Variants in KIAA0232 observed in about 807,000 individuals in gnomAD.
KIAA0232 encodes uncharacterized protein KIAA0232.
KIAA0232 carries 27 observed loss-of-function variants against 122.0 expected under a neutral mutation model. That is an observed-to-expected ratio of 0.22 (90% CI 0.16 to 0.31). The LOEUF (loss-of-function observed/expected upper bound fraction) is 0.31. KIAA0232 is among the 10% of genes least tolerant of loss of function. The probability of loss-of-function intolerance (pLI) is 1.00; values close to 1 mark genes in which losing one functional copy is unlikely to be tolerated. For missense variants in KIAA0232, 1,551 were observed against 1,634.2 expected (o/e 0.95, Z 0.88); for synonymous variants, 613 against 587.6 (o/e 1.04, Z -0.63).
At chr4:6,876,480 T>G (rs1721763781) in intron 8 of KIAA0232, among the ~76,000 whole-genome samples, 180 bp from the exon 9 acceptor site, 1 of 152,196 alleles carries the variant, frequency 6.6e-6, no homozygotes, top group East Asian at 1.9e-4. Context: ...AGCGTTTTTT[T>G]TCTCTTACAC....
intron 4 of KIAA0232, among the ~76,000 whole-genome samples, chr4:6,851,237 A>T (rs915440305): frequency 6.6e-6 from 1 of 152,204 alleles, no homozygotes. Flanking sequence ...AGTTGTGACT[A>T]TTCTTCTTAA....
At chr4:6,872,029 A>G (rs993392132) in intron 8 of KIAA0232, among the ~76,000 whole-genome samples, 17 of 152,324 alleles carry the variant, frequency 1.1e-4, no homozygotes, top group Admixed American at 5.9e-4. Flanking sequence ...AGGGGAAAGC[A>G]CAGGGCTCCA....
At chr4:6,830,893 C>T (rs1225061792) in intron 3 of KIAA0232, among the ~76,000 whole-genome samples, 3 of 152,020 alleles carry the variant, frequency 2.0e-5, no homozygotes, top group Non-Finnish European at 2.9e-5. Context: ...GTACAAGCAC[C>T]TGGAACCACA....
chr4:6,784,234 GA>G (rs1716506548), intron 1 of KIAA0232, among the ~76,000 whole-genome samples: 1 of 152,002 alleles, frequency 6.6e-6, no homozygotes, highest in Non-Finnish European at 1.5e-5. Flanking sequence ...CCTAAGAAGG[GA>G]TTTTACATTT....
intron 1 of KIAA0232, among the ~76,000 whole-genome samples, chr4:6,783,363 C>G (rs1016987245): frequency 9.9e-5 from 15 of 152,214 alleles, no homozygotes; most frequent in African/African-American, 3.6e-4. Flanking sequence ...CGTTGGCTGC[C>G]TCCTGCCTGG....
intron 3 of KIAA0232, among the ~76,000 whole-genome samples, chr4:6,840,564 G>C (rs1203933983): frequency 6.6e-6 from 1 of 152,142 alleles, no homozygotes; most frequent in Non-Finnish European, 1.5e-5. Flanking sequence ...TGACCTCCCT[G>C]TAGTGTCTAG....
chr4:6,787,230 C>T (rs1251493582), intron 1 of KIAA0232, among the ~76,000 whole-genome samples: 2 of 151,204 alleles, frequency 1.3e-5, no homozygotes, highest in African/African-American at 4.9e-5. Context: ...AATTTAATTC[C>T]CAAGAGATTA....
At chr4:6,843,732 C>T (rs905804532) in intron 4 of KIAA0232, among the ~76,000 whole-genome samples, 17 of 150,464 alleles carry the variant, frequency 1.1e-4, no homozygotes, top group East Asian at 5.8e-4. Context: ...ATCATGCCGC[C>T]GCACTCCAAC....
chr4:6,808,652 T>G (rs1247126055), intron 2 of KIAA0232, among the ~76,000 whole-genome samples: 1 of 151,968 alleles, frequency 6.6e-6, no homozygotes, highest in African/African-American at 2.4e-5. Flanking sequence ...AAACCTCTAG[T>G]ACATGGGATC....
intron 2 of KIAA0232, among the ~76,000 whole-genome samples, chr4:6,810,049 T>C (rs1250384031): frequency 6.6e-6 from 1 of 152,126 alleles, no homozygotes; most frequent in African/African-American, 2.4e-5. Context: ...AAAATACTAA[T>C]GTCATGTTTT....
At chr4:6,849,458 A>G (rs1169780515) in intron 4 of KIAA0232, among the ~76,000 whole-genome samples, 1 of 152,242 alleles carries the variant, frequency 6.6e-6, no homozygotes, top group African/African-American at 2.4e-5. Flanking sequence ...TCTACTAAAA[A>G]TATAAAAATT....
chr4:6,822,227 G>A (rs192444905), intron 2 of KIAA0232, among the ~76,000 whole-genome samples: 48 of 152,082 alleles, frequency 3.2e-4, no homozygotes, highest in African/African-American at 9.4e-4. Flanking sequence ...GAAAATCTTC[G>A]CTTTAATTTA....
intron 7 of KIAA0232, among the ~76,000 whole-genome samples, chr4:6,867,498 A>G (rs886928791): frequency 9.2e-5 from 14 of 152,236 alleles, no homozygotes; most frequent in African/African-American, 3.4e-4. Context: ...CTGGACATAC[A>G]TTTGTGGTGA....
chr4:6,831,344 A>G (rs1205901846), intron 3 of KIAA0232, among the ~76,000 whole-genome samples: 1 of 152,138 alleles, frequency 6.6e-6, no homozygotes, highest in East Asian at 1.9e-4. Context: ...GTGAGCCACC[A>G]CACCTGGCCG....
intron 1 of KIAA0232, among the ~76,000 whole-genome samples, chr4:6,799,939 C>T (rs1341993037): frequency 3.3e-5 from 5 of 151,664 alleles, no homozygotes; most frequent in Admixed American, 6.6e-5. Context: ...ATGATCCCCC[C>T]GCCTCGGCCT....
intron 2 of KIAA0232, among the ~76,000 whole-genome samples, chr4:6,818,088 C>G (rs146925732): frequency 3.5e-4 from 53 of 152,136 alleles, no homozygotes; most frequent in African/African-American, 1.2e-3. Flanking sequence ...CTATAACATT[C>G]AAACCAAGAA....
chr4:6,807,082 T>G (rs74718809), intron 2 of KIAA0232, among the ~76,000 whole-genome samples: 3 of 131,110 alleles, frequency 2.3e-5, no homozygotes, highest in East Asian at 2.3e-4. Context: ...ATCTATCTAT[T>G]TAAGACAGGG....
chr4:6,826,683 C>G (rs566328535), intron 3 of KIAA0232, among the ~76,000 whole-genome samples: 1 of 152,138 alleles, frequency 6.6e-6, no homozygotes, highest in Non-Finnish European at 1.5e-5. Flanking sequence ...TTTTAAAAAA[C>G]TATGTCTCTT....
rs749935423 is a variant in KIAA0232 at position 6,876,728 on chromosome 4, AATG to A, written c.3981_3983del (p.Asn1327_Glu1328delinsLys). On this transcript the variant is annotated inframe_deletion, in exon 9 of 10. Coordinates refer to ENST00000307659, the MANE Select transcript of KIAA0232 (RefSeq NM_014743.3). ...TCCAGATGCTAAAGAGACACCCAGT[AATG>A]AAGAGCGCCTGTTAGATTTTAATAG... 6.2e-7 allele frequency: 1 copy of A among 1,612,958 alleles called. No homozygotes were observed. The highest frequency in any genetic ancestry group is 1.1e-5 in the South Asian group (1 of 91,054).
Sources: allele counts gnomAD v4.1 joint callset (sites outside exome capture counted in the v4.1 genomes callset), GRCh38; gene constraint gnomAD v4.1.1; transcripts MANE v1.5; gene names NCBI Gene and HGNC (gene_info 2026-07-23, HGNC 2026-07-21).